The following C12orf42 variants were observed in gnomAD, a reference collection of about 807,000 sequenced individuals.
C12orf42 encodes chromosome 12 open reading frame 42, also known as uncharacterized protein C12orf42.
A neutral mutation model predicts 21.6 loss-of-function variants in C12orf42; 25 were observed. The ratio of observed to expected loss-of-function variants is 1.16; its 90% CI spans 0.84 to 1.62. C12orf42 has a LOEUF of 1.62. C12orf42 is among the 40% of genes most tolerant of loss of function. The probability of loss-of-function intolerance (pLI) is 0.00; values close to 1 mark genes in which losing one functional copy is unlikely to be tolerated. For missense variants in C12orf42, 483 were observed against 459.3 expected, an observed-to-expected ratio of 1.05 and a Z score of -0.47; for synonymous variants, 174 against 175.0, an observed-to-expected ratio of 0.99 and a Z score of 0.05.
At chr12:103,140,892 A>G in the C12orf42 span, among the ~76,000 whole-genome samples, 1 of 152,172 alleles carries the variant, frequency 6.6e-6, no homozygotes, top group East Asian at 1.9e-4. Context: ...CAGACATGCA[A>G]CATCCCTGAT....
In C12orf42 at chr12:103,495,914, G is replaced by A. The variant is rs537247885; in HGVS notation, c.-34C>T. 13 of 152,522 alleles carry A rather than the reference G, an allele frequency of 8.5e-5. 1 individual carries two copies. Among genetic ancestry groups the A allele is most frequent in the Admixed American group, 2.6e-4 (4 of 15,304 alleles). 9.4% of individuals were successfully genotyped at this position (152,522 alleles called of 1,614,324 possible). On this transcript the variant is annotated 5_prime_UTR_variant, in exon 1 of 6. Transcript: ENST00000548883. ...TCCCTGCGTCTACCTGGAGCTGCAG[G>A]GTCCCTATCCCGGGGCGCCGCCCGC...
chr12:103,154,258 T>C, the C12orf42 span, among the ~76,000 whole-genome samples: 1 of 152,076 alleles, frequency 6.6e-6, no homozygotes, highest in South Asian at 2.1e-4. Context: ...TTAAAAGAGG[T>C]TATTCAGCTG....
Position 103,440,457 on chromosome 12 carries a change from CAAAAAA to C in C12orf42, c.78+37886_78+37891del. ...AAATAAATAAAAGCCTCACAGATAC[CAAAAAA>C]AAAAAAAAAAAAAAAAGAAACTCCT... On this transcript the variant is annotated intron_variant, in intron 2 of 5. Transcript: ENST00000548883. Among the ~76,000 whole-genome samples, 7 of 69,696 alleles carry C rather than the reference CAAAAAA, an allele frequency of 1.0e-4. 1 individual carries two copies. Among genetic ancestry groups the C allele is most frequent in the East Asian group, 5.1e-4 (1 of 1,958 alleles). 45.7% of individuals were successfully genotyped at this position (69,696 alleles called of 152,430 possible).
chr12:103,171,103 A>C, the C12orf42 span, among the ~76,000 whole-genome samples: 2 of 152,088 alleles, frequency 1.3e-5, no homozygotes, highest in Non-Finnish European at 1.5e-5. Flanking sequence ...TCTAGATAAC[A>C]CTCATCCAAG....
intron 4 of C12orf42, among the ~76,000 whole-genome samples, chr12:103,290,162 A>G (rs563772407): frequency 3.8e-4 from 58 of 152,332 alleles, no homozygotes; most frequent in South Asian, 1.9e-3. Flanking sequence ...GGAAAACCCA[A>G]GACAAAAGAA....
chr12:103,331,227 A>G (rs1049383872), intron 4 of C12orf42, among the ~76,000 whole-genome samples: 2 of 152,228 alleles, frequency 1.3e-5, no homozygotes, highest in South Asian at 2.1e-4. Flanking sequence ...ATCACCTAAC[A>G]CAAAGCCTAT....
At chr12:103,331,358 C>T (rs576546741) in intron 4 of C12orf42, among the ~76,000 whole-genome samples, 26 of 152,306 alleles carry the variant, frequency 1.7e-4, no homozygotes, top group Admixed American at 4.6e-4. Context: ...TCAGTAAAGT[C>T]GAGAACCATC....
At chr12:103,220,796 G>A in the C12orf42 span, among the ~76,000 whole-genome samples, 3 of 152,320 alleles carry the variant, frequency 2.0e-5, no homozygotes, top group South Asian at 6.2e-4. Flanking sequence ...GGAGGAATGG[G>A]CAGGGGAGAA....
At position 103,376,790 on chromosome 12, in the gene C12orf42, C is replaced by T. The variant is rs146265713; in HGVS notation, c.148-7792G>A. 3.9e-5 allele frequency among the ~76,000 whole-genome samples: 6 copies of T among 152,140 alleles called. No homozygotes were observed. In the East Asian group the frequency reaches 9.7e-4, roughly 25 times the overall value. ...GTTTTCTTTCATTATACTGGGCACT[C>T]GAGCAAGCCATATCAATCTGGAAAT... On this transcript the variant is annotated intron_variant, in intron 3 of 5. Transcript: ENST00000548883.
the C12orf42 span, among the ~76,000 whole-genome samples, chr12:103,179,615 T>TA: frequency 6.6e-6 from 1 of 152,176 alleles, no homozygotes; most frequent in Admixed American, 6.5e-5. Context: ...GCCACCATTT[T>TA]AAAGCATCTG....
At chr12:103,436,678 G>C (rs1380038410) in intron 2 of C12orf42, among the ~76,000 whole-genome samples, 2 of 151,952 alleles carry the variant, frequency 1.3e-5, no homozygotes, top group Non-Finnish European at 2.9e-5. Context: ...ATGGTAAAGG[G>C]ATCAATTTAA....
At chr12:103,210,434 C>T in the C12orf42 span, among the ~76,000 whole-genome samples, 1 of 152,120 alleles carries the variant, frequency 6.6e-6, no homozygotes, top group Non-Finnish European at 1.5e-5. Context: ...TAGATACGTA[C>T]ATTTTCTACC....
downstream of C12orf42, among the ~76,000 whole-genome samples, chr12:103,298,698 T>C (rs182561796): frequency 2.6e-5 from 4 of 152,302 alleles, no homozygotes; most frequent in South Asian, 2.1e-4. Flanking sequence ...CCCTTGGCTC[T>C]TGAGATCTGG....
intron 2 of C12orf42, among the ~76,000 whole-genome samples, chr12:103,403,490 T>C (rs768359887): frequency 2.8e-4 from 42 of 152,118 alleles, no homozygotes; most frequent in Non-Finnish European, 5.0e-4. Flanking sequence ...CATTTGCATT[T>C]GATAGATGAG....
the C12orf42 span, among the ~76,000 whole-genome samples, chr12:103,110,749 C>T: frequency 6.6e-6 from 1 of 152,132 alleles, no homozygotes; most frequent in African/African-American, 2.4e-5. Flanking sequence ...CAAAATCCTT[C>T]TAGATTATAG....
At chr12:103,075,558 T>C in the C12orf42 span, among the ~76,000 whole-genome samples, 1 of 152,242 alleles carries the variant, frequency 6.6e-6, no homozygotes, top group Non-Finnish European at 1.5e-5. Flanking sequence ...TTCAATTTAA[T>C]CAAAATCTGT....
At chr12:103,070,161 T>C in the C12orf42 span, among the ~76,000 whole-genome samples, 2 of 152,210 alleles carry the variant, frequency 1.3e-5, no homozygotes, top group African/African-American at 4.8e-5. Context: ...CTTTAAAATA[T>C]GACACGTCTG....
intron 2 of C12orf42, among the ~76,000 whole-genome samples, chr12:103,457,552 GC>G (rs903175546): frequency 6.6e-6 from 1 of 152,116 alleles, no homozygotes; most frequent in Non-Finnish European, 1.5e-5. Context: ...TGCTGTGTCA[GC>G]CAGGTCAGCT....
At chr12:103,283,995 T>C (rs886139633) in intron 4 of C12orf42, among the ~76,000 whole-genome samples, 1 of 152,206 alleles carries the variant, frequency 6.6e-6, no homozygotes, top group African/African-American at 2.4e-5. Context: ...CTCTGTCAAC[T>C]TCACTTAAGA....
Sources: allele counts gnomAD v4.1 joint callset (sites outside exome capture counted in the v4.1 genomes callset), GRCh38; gene constraint gnomAD v4.1.1; transcripts MANE v1.5; gene names NCBI Gene and HGNC (gene_info 2026-07-23, HGNC 2026-07-21).